Variants in KDM4C observed in about 807,000 individuals in gnomAD.
The protein encoded by KDM4C is lysine-specific demethylase 4C.
A neutral mutation model predicts 129.3 loss-of-function variants in KDM4C; 81 were observed. The ratio of observed to expected loss-of-function variants is 0.63; its 90% CI spans 0.52 to 0.75. The LOEUF (loss-of-function observed/expected upper bound fraction) is 0.75. Ranked by LOEUF, KDM4C falls within the 30% of genes least tolerant of loss-of-function variation. The pLI is 0.00. For synonymous variants in KDM4C, 573 were observed against 456.1 expected (o/e 1.26, Z -3.26); for missense variants, 1,457 against 1,304.0 (o/e 1.12, Z -1.81).
chr9:6,735,957 A>T (rs1165379531), intron 1 of KDM4C, among the ~76,000 whole-genome samples: 1 of 152,200 alleles, frequency 6.6e-6, no homozygotes, highest in Non-Finnish European at 1.5e-5. Flanking sequence ...TGGACAATAA[A>T]GTCCAGGCTG....
chr9:7,157,447 T>C (rs879580312), intron 19 of KDM4C, among the ~76,000 whole-genome samples: 8 of 152,202 alleles, frequency 5.3e-5, no homozygotes, highest in Non-Finnish European at 1.0e-4. Context: ...TTAAAGGGAA[T>C]GCTTCCAGTT....
At chr9:7,147,463 C>G (rs1842320382) in intron 19 of KDM4C, among the ~76,000 whole-genome samples, 1 of 152,194 alleles carries the variant, frequency 6.6e-6, no homozygotes, top group Non-Finnish European at 1.5e-5. Flanking sequence ...GAGAAATTCA[C>G]CCCAAGCCTG....
chr9:6,825,405 G>T (rs1247407198), intron 4 of KDM4C, among the ~76,000 whole-genome samples: 1 of 152,174 alleles, frequency 6.6e-6, no homozygotes, highest in Non-Finnish European at 1.5e-5. Flanking sequence ...AGCAAAAGAT[G>T]ACTTATCTAT....
chr9:7,017,950 C>T (rs1260041655), intron 15 of KDM4C, among the ~76,000 whole-genome samples: 1 of 152,172 alleles, frequency 6.6e-6, no homozygotes, highest in Non-Finnish European at 1.5e-5. Context: ...AAAATATGGA[C>T]ACTCTTTATG....
At chr9:6,729,479 G>A (rs35857578) in intron 1 of KDM4C, among the ~76,000 whole-genome samples, 14,924 of 119,668 alleles carry the variant, frequency 0.12, 2,953 homozygotes, top group Middle Eastern at 0.19. Flanking sequence ...GGAGTGGGGC[G>A]GAGGTTGCAG....
chr9:6,950,027 C>T (rs1827835065), intron 8 of KDM4C, among the ~76,000 whole-genome samples: 2 of 150,026 alleles, frequency 1.3e-5, no homozygotes, highest in African/African-American at 2.4e-5. Flanking sequence ...ACTTCTCTGG[C>T]CACCCATGTG....
chr9:6,797,307 G>T (rs1415465788), intron 2 of KDM4C, among the ~76,000 whole-genome samples: 2 of 152,096 alleles, frequency 1.3e-5, no homozygotes, highest in African/African-American at 4.8e-5. Flanking sequence ...CTATTGACAA[G>T]ATTTAATGAA....
chr9:6,759,678 C>A (rs969393529), intron 1 of KDM4C, among the ~76,000 whole-genome samples: 1 of 152,060 alleles, frequency 6.6e-6, no homozygotes, highest in South Asian at 2.1e-4. Flanking sequence ...TCAGACCCGG[C>A]GCCGTGGCTC....
chr9:7,074,066 C>G (rs1259855341), intron 17 of KDM4C, among the ~76,000 whole-genome samples: 1 of 152,106 alleles, frequency 6.6e-6, no homozygotes, highest in Admixed American at 6.6e-5. Flanking sequence ...ATCTTCCCTT[C>G]AAATAAAAAG....
At chr9:6,759,598 A>G (rs1177920606) in intron 1 of KDM4C, among the ~76,000 whole-genome samples, 1 of 152,194 alleles carries the variant, frequency 6.6e-6, no homozygotes, top group Non-Finnish European at 1.5e-5. Flanking sequence ...GTAATACAGT[A>G]CAATTTAAAC....
intron 1 of KDM4C, among the ~76,000 whole-genome samples, chr9:6,790,598 C>A (rs537023324): frequency 7.1e-6 from 1 of 141,700 alleles, no homozygotes; most frequent in Non-Finnish European, 1.5e-5. Flanking sequence ...ACGTTTCACC[C>A]TTTTATCTGC....
chr9:7,170,631 A>T (rs1250698163), intron 21 of KDM4C: 7 of 959,584 alleles, frequency 7.3e-6, no homozygotes, highest in East Asian at 1.1e-4. Flanking sequence ...TTAGAATTAT[A>T]TCTATTGTGT....
At chr9:6,857,609 A>G (rs964707437) in intron 5 of KDM4C, among the ~76,000 whole-genome samples, 1 of 152,092 alleles carries the variant, frequency 6.6e-6, no homozygotes, top group Middle Eastern at 3.2e-3. Context: ...AAGTGTTGAG[A>G]TTTTACTAAT....
intron 6 of KDM4C, among the ~76,000 whole-genome samples, chr9:6,882,489 C>G (rs1235366070): frequency 1.3e-5 from 2 of 152,032 alleles, no homozygotes; most frequent in Non-Finnish European, 1.5e-5. Context: ...GAATAAAATG[C>G]TATTATTTTA....
At chr9:7,032,245 A>G (rs557584597) in intron 15 of KDM4C, among the ~76,000 whole-genome samples, 3 of 152,358 alleles carry the variant, frequency 2.0e-5, no homozygotes, top group South Asian at 2.1e-4. Flanking sequence ...AACTCCATTC[A>G]GTTGAATCTG....
intron 2 of KDM4C, among the ~76,000 whole-genome samples, chr9:6,802,845 GGTCT>G (rs1415561980): frequency 6.6e-6 from 1 of 152,222 alleles, no homozygotes; most frequent in Non-Finnish European, 1.5e-5. Context: ...GACCTCAGGT[GGTCT>G]GTCCACCTTG....
intron 8 of KDM4C, among the ~76,000 whole-genome samples, chr9:6,928,947 C>T (rs1823143964): frequency 6.6e-6 from 1 of 152,210 alleles, no homozygotes; most frequent in African/African-American, 2.4e-5. Flanking sequence ...ATGGCCCCAG[C>T]ACTACCCACA....
chr9:6,840,113 C>T (rs1397674838), intron 4 of KDM4C, among the ~76,000 whole-genome samples: 1 of 150,124 alleles, frequency 6.7e-6, no homozygotes, highest in Admixed American at 6.7e-5. Flanking sequence ...CACTCTGTCA[C>T]CCAGGCTGGA....
chr9:6,905,298 C>T (rs1374093940), intron 8 of KDM4C, among the ~76,000 whole-genome samples: 1 of 152,118 alleles, frequency 6.6e-6, no homozygotes, highest in Non-Finnish European at 1.5e-5. Context: ...TGAAGAAACA[C>T]TTCTAAACCC....
Sources: gnomAD v4.1 joint callset for allele counts (sites outside exome capture counted in the v4.1 genomes callset) on GRCh38, gnomAD v4.1.1 for gene constraint, MANE v1.5 for transcripts, NCBI Gene and HGNC (gene_info 2026-07-23, HGNC 2026-07-21) for gene names.